FGF12: variants seen among roughly 807,000 people sequenced by gnomAD.
The protein encoded by FGF12 is fibroblast growth factor 12B.
In FGF12, 14 loss-of-function variants were observed where a neutral mutation model predicts 23.6. That is an observed-to-expected ratio of 0.59 (90% confidence interval 0.39 to 0.93). The LOEUF (loss-of-function observed/expected upper bound fraction) is 0.93, where lower values mean the gene tolerates loss of function less well. Among genes scored for constraint, FGF12 ranks in the 40% least tolerant of loss-of-function variants. FGF12 has a pLI of 0.00. For missense variants in FGF12, 175 were observed against 217.8 expected (o/e 0.80, Z 1.24); for synonymous variants, 62 against 77.3 (o/e 0.80, Z 1.04).
chr3:192,519,435 T>G (rs1439272393), intron 2 of FGF12, among the ~76,000 whole-genome samples: 1 of 152,220 alleles, frequency 6.6e-6, no homozygotes. Flanking sequence ...TCCTTCTTAG[T>G]ATATCATTAT....
intron 5 of FGF12, among the ~76,000 whole-genome samples, chr3:192,159,455 A>T (rs1483517448): frequency 6.6e-6 from 1 of 152,116 alleles, no homozygotes; most frequent in East Asian, 1.9e-4. Flanking sequence ...TTTTCCAATA[A>T]ATGTTAGTGT....
chr3:192,685,876 C>T (rs557923088), intron 2 of FGF12, among the ~76,000 whole-genome samples: 1 of 152,166 alleles, frequency 6.6e-6, no homozygotes, highest in Admixed American at 6.5e-5. Context: ...AAATTAAGAA[C>T]ATGGGACTTA....
chr3:192,325,272 A>G (rs1172151369), intron 4 of FGF12, among the ~76,000 whole-genome samples: 1 of 152,136 alleles, frequency 6.6e-6, no homozygotes. Flanking sequence ...ATCCTTTTCC[A>G]AGTGCTATAC....
At chr3:192,710,938 G>GT (rs1718646123) in intron 2 of FGF12, among the ~76,000 whole-genome samples, 1 of 152,112 alleles carries the variant, frequency 6.6e-6, no homozygotes, top group Non-Finnish European at 1.5e-5. Context: ...TCTTGGAAAC[G>GT]TAAGAGGTAA....
At chr3:192,397,250 G>A (rs1475616267) in intron 2 of FGF12, among the ~76,000 whole-genome samples, 1 of 152,208 alleles carries the variant, frequency 6.6e-6, no homozygotes, top group African/African-American at 2.4e-5. Flanking sequence ...CCTTTCCTGA[G>A]CAAAGCTGCA....
At chr3:192,477,648 AG>A (rs1723365509) in intron 2 of FGF12, among the ~76,000 whole-genome samples, 1 of 152,154 alleles carries the variant, frequency 6.6e-6, no homozygotes, top group Non-Finnish European at 1.5e-5. Flanking sequence ...GAGTGGAGAG[AG>A]GGGAAGAGTC....
intron 2 of FGF12, among the ~76,000 whole-genome samples, chr3:192,437,551 G>A (rs1386357684): frequency 6.6e-6 from 1 of 152,112 alleles, no homozygotes; most frequent in Non-Finnish European, 1.5e-5. Context: ...CATTAGCCGG[G>A]TGTGGTGGTG....
chr3:192,721,379 G>A (rs1016832081), intron 2 of FGF12, among the ~76,000 whole-genome samples: 1 of 152,134 alleles, frequency 6.6e-6, no homozygotes, highest in Non-Finnish European at 1.5e-5. Context: ...AGTTGCCTAA[G>A]TCATTTAGTC....
At chr3:192,190,742 T>G (rs1198049356) in intron 4 of FGF12, among the ~76,000 whole-genome samples, 1 of 152,164 alleles carries the variant, frequency 6.6e-6, no homozygotes, top group Non-Finnish European at 1.5e-5. Context: ...CCCAAAGTGC[T>G]GGGATTACAG....
chr3:192,398,689 T>C (rs1720630791), intron 2 of FGF12, among the ~76,000 whole-genome samples: 1 of 152,314 alleles, frequency 6.6e-6, no homozygotes, highest in East Asian at 1.9e-4. Flanking sequence ...TATTCTTATA[T>C]ATAGCTCCCT....
Position 192,325,638 on chromosome 3 carries a change from G to C in FGF12, c.228+9723C>G, listed in dbSNP as rs188731127. On this transcript the variant is annotated intron_variant, in intron 4 of 5. Transcript: ENST00000445105. ...AAATTCCAGAGTGGGCAACTGCTTT[G>C]TACCTCTACTCCAGATATGCTTGTT... Among the ~76,000 whole-genome samples, 309 of 152,196 alleles carry C rather than the reference G, an allele frequency of 2.0e-3. 2 individuals are homozygous for C. The highest frequency in any genetic ancestry group is 6.9e-3 in the African/African-American group (287 of 41,540).
chr3:192,262,578 TAC>T (rs949759208), intron 4 of FGF12, among the ~76,000 whole-genome samples: 16 of 152,124 alleles, frequency 1.1e-4, no homozygotes, highest in Admixed American at 1.0e-3. Flanking sequence ...CAAATATCAC[TAC>T]GTTACAACTG....
At chr3:192,478,539 T>C (rs1343442787) in intron 2 of FGF12, among the ~76,000 whole-genome samples, 5 of 152,138 alleles carry the variant, frequency 3.3e-5, no homozygotes, top group African/African-American at 7.2e-5. Flanking sequence ...TTTTATAATA[T>C]CTAAGATTCT....
chr3:192,398,309 C>T (rs1367897569), intron 2 of FGF12, among the ~76,000 whole-genome samples: 1 of 151,896 alleles, frequency 6.6e-6, no homozygotes. Context: ...TTCCCAGTCA[C>T]AAATGTTTTT....
intron 2 of FGF12, among the ~76,000 whole-genome samples, chr3:192,691,661 A>T (rs1717946933): frequency 6.6e-6 from 1 of 151,976 alleles, no homozygotes; most frequent in African/African-American, 2.4e-5. Context: ...GTCCAAAGTT[A>T]GCAGAAGAAA....
At chr3:192,726,256 GT>G (rs1719210803) in intron 2 of FGF12, among the ~76,000 whole-genome samples, 1 of 152,160 alleles carries the variant, frequency 6.6e-6, no homozygotes, top group South Asian at 2.1e-4. Flanking sequence ...AATGAATATA[GT>G]TTCATAAAAG....
chr3:192,312,689 G>A (rs1269944913), intron 4 of FGF12, among the ~76,000 whole-genome samples: 3 of 151,060 alleles, frequency 2.0e-5, no homozygotes, highest in African/African-American at 4.9e-5. Flanking sequence ...GGAGCTTGCC[G>A]TGAGCCGAGA....
chr3:192,567,867 T>G (rs1712414292), intron 2 of FGF12, among the ~76,000 whole-genome samples: 1 of 151,280 alleles, frequency 6.6e-6, no homozygotes, highest in Non-Finnish European at 1.5e-5. Flanking sequence ...AGTTTTGCTC[T>G]TGTCGTCCAG....
chr3:192,201,761 TGTCA>T (rs1717379417), intron 4 of FGF12, among the ~76,000 whole-genome samples: 1 of 152,240 alleles, frequency 6.6e-6, no homozygotes, highest in African/African-American at 2.4e-5. Context: ...CATTACTGCC[TGTCA>T]GTCAGAGAAA....
Sources: gnomAD v4.1 joint callset for allele counts (sites outside exome capture counted in the v4.1 genomes callset) on GRCh38, gnomAD v4.1.1 for gene constraint, MANE v1.5 for transcripts, NCBI Gene and HGNC (gene_info 2026-07-23, HGNC 2026-07-21) for gene names.